NRG1: variants seen among roughly 807,000 people sequenced by gnomAD.
The protein encoded by NRG1 is pro-neuregulin-1, membrane-bound isoform.
In NRG1, 18 loss-of-function variants were observed where a neutral mutation model predicts 63.8. The ratio of observed to expected loss-of-function variants is 0.28; its 90% CI spans 0.19 to 0.42. The LOEUF (loss-of-function observed/expected upper bound fraction) is 0.42. NRG1 is among the 10% of genes least tolerant of loss of function. The pLI is 1.00. For synonymous variants in NRG1, 302 were observed against 301.3 expected, an observed-to-expected ratio of 1.00 and a Z score of -0.02; for missense variants, 762 against 814.7, an observed-to-expected ratio of 0.94 and a Z score of 0.79.
chr8:32,719,808 T>A (rs1820168313), intron 5 of NRG1, among the ~76,000 whole-genome samples: 1 of 152,138 alleles, frequency 6.6e-6, no homozygotes, highest in Non-Finnish European at 1.5e-5. Context: ...CCTGTAAAGT[T>A]CTCTGGGTTT....
chr8:32,231,911 T>A (rs868069245), intron 1 of NRG1, among the ~76,000 whole-genome samples: 61 of 148,898 alleles, frequency 4.1e-4, no homozygotes, highest in South Asian at 8.8e-4. Flanking sequence ...AAAAAAAAAA[T>A]TAAATTAAAG....
At chr8:32,048,559 T>C (rs1046916284) in intron 1 of NRG1, among the ~76,000 whole-genome samples, 13 of 150,590 alleles carry the variant, frequency 8.6e-5, no homozygotes, top group Non-Finnish European at 1.8e-4. Flanking sequence ...TTTTCCATAA[T>C]GGTTACACTA....
chr8:32,501,632 A>G (rs1827863605), intron 1 of NRG1, among the ~76,000 whole-genome samples: 1 of 152,256 alleles, frequency 6.6e-6, no homozygotes, highest in Non-Finnish European at 1.5e-5. Context: ...TTAGTTATCT[A>G]TTTAACCAAA....
chr8:32,771,923 T>A (rs1831833026), downstream of NRG1, among the ~76,000 whole-genome samples: 1 of 146,448 alleles, frequency 6.8e-6, no homozygotes, highest in Non-Finnish European at 1.5e-5. Context: ...CTCGGGAGGC[T>A]GAGGCAGGAG....
chr8:31,986,885 TGTTGA>T (rs1399041870), intron 1 of NRG1, among the ~76,000 whole-genome samples: 3 of 152,260 alleles, frequency 2.0e-5, no homozygotes, highest in Admixed American at 6.5e-5. Flanking sequence ...TACAAAAGTT[TGTTGA>T]CTTTTAAGCT....
chr8:32,319,588 A>C (rs1198574124), intron 1 of NRG1, among the ~76,000 whole-genome samples: 1 of 152,312 alleles, frequency 6.6e-6, no homozygotes, highest in African/African-American at 2.4e-5. Flanking sequence ...TTGTTGGAGA[A>C]TATGATCTCG....
At chr8:32,706,130 C>G (rs1816343380) in intron 5 of NRG1, among the ~76,000 whole-genome samples, 1 of 152,170 alleles carries the variant, frequency 6.6e-6, no homozygotes, top group South Asian at 2.1e-4. Flanking sequence ...ATGCCTATAG[C>G]AGTTTCACAA....
intron 1 of NRG1, among the ~76,000 whole-genome samples, chr8:31,669,609 G>C (rs1484791753): frequency 6.6e-6 from 1 of 152,118 alleles, no homozygotes; most frequent in Non-Finnish European, 1.5e-5. Context: ...GAAAAAAAAG[G>C]ATTACTGTCT....
intron 1 of NRG1, among the ~76,000 whole-genome samples, chr8:32,262,815 A>T (rs1209310049): frequency 1.3e-5 from 2 of 152,182 alleles, no homozygotes; most frequent in African/African-American, 4.8e-5. Flanking sequence ...GAATATATTA[A>T]TACATGGACA....
intron 1 of NRG1, among the ~76,000 whole-genome samples, chr8:32,411,898 C>T (rs1429480676): frequency 6.6e-6 from 1 of 152,142 alleles, no homozygotes; most frequent in African/African-American, 2.4e-5. Context: ...GTTGAACTGT[C>T]ATAAGTTGGG....
chr8:32,602,183 G>A (rs1257643361), intron 2 of NRG1, among the ~76,000 whole-genome samples: 1 of 152,072 alleles, frequency 6.6e-6, no homozygotes, highest in Non-Finnish European at 1.5e-5. Flanking sequence ...AATTCACTGA[G>A]ATGCATTGTT....
chr8:31,639,546 C>T, intron 1 of NRG1: 1 of 1,459,016 alleles, frequency 6.9e-7, no homozygotes. Context: ...CAGCCGCTTG[C>T]TCGCAGCCCC....
chr8:31,877,821 A>G (rs1163420512), intron 1 of NRG1, among the ~76,000 whole-genome samples: 1 of 152,124 alleles, frequency 6.6e-6, no homozygotes, highest in African/African-American at 2.4e-5. Flanking sequence ...GCATGTGACA[A>G]TCTTTCTCAA....
intron 1 of NRG1, among the ~76,000 whole-genome samples, chr8:32,075,916 G>T (rs113898920): frequency 2.0e-5 from 3 of 151,576 alleles, no homozygotes; most frequent in South Asian, 2.1e-4. Flanking sequence ...CAAGTGATCC[G>T]CCCACCTTGG....
At chr8:32,262,580 C>T (rs1850502058) in intron 1 of NRG1, among the ~76,000 whole-genome samples, 1 of 152,098 alleles carries the variant, frequency 6.6e-6, no homozygotes, top group Non-Finnish European at 1.5e-5. Context: ...TGCAAAATGA[C>T]AGTCAATGTT....
chr8:32,720,630 T>A (rs554168569), intron 5 of NRG1, among the ~76,000 whole-genome samples: 1 of 152,174 alleles, frequency 6.6e-6, no homozygotes. Context: ...AAGAAGAAAA[T>A]GTAGCTTTCT....
At chr8:32,529,291 G>A (rs1033318598) in intron 1 of NRG1, among the ~76,000 whole-genome samples, 1 of 152,192 alleles carries the variant, frequency 6.6e-6, no homozygotes, top group African/African-American at 2.4e-5. Context: ...CACTTCTCAC[G>A]AATGGAGCTT....
At position 32,684,050 on chromosome 8, in the gene NRG1, A is replaced by G. The variant is rs572714776; in HGVS notation, c.503-43899A>G. On this transcript the variant is annotated intron_variant, in intron 5 of 11. Transcript: ENST00000356819. ...CCGCTACTATAAATACAAAAAAACT[A>G]GCCAGGTATATTGGTGCACGTCTGT... Among the ~76,000 whole-genome samples the G allele has an allele frequency of 2.6e-5, 4 of 152,234 alleles. No individual in the cohort carries two copies. The South Asian group carries it at 8.3e-4, about 32-fold the overall frequency.
At chr8:32,288,477 A>G (rs1853808560) in intron 1 of NRG1, among the ~76,000 whole-genome samples, 1 of 152,188 alleles carries the variant, frequency 6.6e-6, no homozygotes, top group African/African-American at 2.4e-5. Flanking sequence ...CACTTACAAG[A>G]TTTCATTTTT....
Sources: allele counts gnomAD v4.1 joint callset (sites outside exome capture counted in the v4.1 genomes callset), GRCh38; gene constraint gnomAD v4.1.1; transcripts MANE v1.5; gene names NCBI Gene and HGNC (gene_info 2026-07-23, HGNC 2026-07-21).